The following BET1 variants were observed in gnomAD, a reference collection of about 807,000 sequenced individuals.
BET1 encodes Bet1 golgi vesicular membrane trafficking protein, also known as BET1 homolog.
In BET1, 9 loss-of-function variants were observed where a neutral mutation model predicts 13.9. The ratio of observed to expected loss-of-function variants is 0.65; its 90% CI spans 0.39 to 1.13. The LOEUF (loss-of-function observed/expected upper bound fraction) is 1.13. BET1 is among the 50% of genes most tolerant of loss of function. The pLI, the probability that BET1 is intolerant of heterozygous loss-of-function variation, is 0.01. For missense variants in BET1, 127 were observed against 133.6 expected, an observed-to-expected ratio of 0.95 and a Z score of 0.24; for synonymous variants, 39 against 47.3, an observed-to-expected ratio of 0.82 and a Z score of 0.72.
chr7:93,974,252 T>A (rs1451377552), intron 5 of BET1, among the ~76,000 whole-genome samples: 2 of 152,026 alleles, frequency 1.3e-5, no homozygotes, highest in Admixed American at 1.3e-4. Context: ...ATAACCAGTA[T>A]AATATATGTA....
intron 1 of BET1, chr7:94,000,249 T>C (rs911343891): frequency 3.3e-5 from 5 of 151,272 alleles, no homozygotes; most frequent in African/African-American, 1.2e-4. Context: ...GGACTACAGG[T>C]GCCCGCCATC....
At chr7:93,980,321 TAAC>T (rs964736239) in intron 4 of BET1, among the ~76,000 whole-genome samples, 5 of 152,162 alleles carry the variant, frequency 3.3e-5, no homozygotes, top group African/African-American at 4.8e-5. Flanking sequence ...CACTATTTTT[TAAC>T]AACAACAACA....
intron 4 of BET1, among the ~76,000 whole-genome samples, chr7:93,977,215 C>A (rs1394426781): frequency 6.6e-6 from 1 of 152,098 alleles, no homozygotes; most frequent in Non-Finnish European, 1.5e-5. Flanking sequence ...AATCTCAGCA[C>A]TTTGGGAAGT....
chr7:93,967,354 C>A (rs1296842630), intron 6 of BET1, among the ~76,000 whole-genome samples: 1 of 151,644 alleles, frequency 6.6e-6, no homozygotes, highest in Non-Finnish European at 1.5e-5. Context: ...AGTGGTAATC[C>A]TCATACTACA....
chr7:94,001,764 A>G (rs1048701499), intron 1 of BET1, among the ~76,000 whole-genome samples: 3 of 152,240 alleles, frequency 2.0e-5, no homozygotes, highest in Non-Finnish European at 4.4e-5. Context: ...TGTGTGGCTG[A>G]GGTTCTGAGT....
intron 5 of BET1, among the ~76,000 whole-genome samples, chr7:93,975,032 A>G (rs1164599400): frequency 6.6e-6 from 1 of 152,006 alleles, no homozygotes; most frequent in African/African-American, 2.4e-5. Flanking sequence ...GAGAAACATC[A>G]AATAGAACCA....
chr7:93,981,265 G>T (rs1795422945), intron 4 of BET1, among the ~76,000 whole-genome samples: 1 of 152,140 alleles, frequency 6.6e-6, no homozygotes, highest in Non-Finnish European at 1.5e-5. Flanking sequence ...CATGCCCTGG[G>T]AAATCCCTCA....
chr7:93,996,665 C>A (rs905226058), intron 2 of BET1, among the ~76,000 whole-genome samples: 1 of 150,470 alleles, frequency 6.6e-6, no homozygotes, highest in Non-Finnish European at 1.5e-5. Context: ...CAAATTCCTA[C>A]AAATATCTGT....
chr7:93,990,606 ATAG>A (rs1270433249), downstream of BET1, among the ~76,000 whole-genome samples: 3 of 152,182 alleles, frequency 2.0e-5, no homozygotes, highest in Non-Finnish European at 2.9e-5. Flanking sequence ...TTGAGAAAAC[ATAG>A]TAGGACAATT....
At chr7:94,002,998 T>A (rs10248049) in intron 1 of BET1, among the ~76,000 whole-genome samples, 6,917 of 152,220 alleles carry the variant, frequency 0.045, 516 homozygotes, top group African/African-American at 0.16. Flanking sequence ...TACTACAATT[T>A]ATCTTTGCAC....
At chr7:93,978,772 A>G (rs569379971) in intron 4 of BET1, among the ~76,000 whole-genome samples, 3 of 152,318 alleles carry the variant, frequency 2.0e-5, no homozygotes, top group South Asian at 2.1e-4. Context: ...GGCTTTGACA[A>G]ACTTTTACAG....
intron 6 of BET1, chr7:93,968,383 G>A (rs1427887481): frequency 6.6e-6 from 1 of 151,724 alleles, no homozygotes; most frequent in East Asian, 1.9e-4. Flanking sequence ...TCAAGGCAGG[G>A]AAGTAGGAAC....
intron 4 of BET1, among the ~76,000 whole-genome samples, chr7:93,980,575 A>G (rs1456602445): frequency 6.6e-6 from 1 of 152,206 alleles, no homozygotes; most frequent in Non-Finnish European, 1.5e-5. Context: ...ACACACTTCC[A>G]TAATAACTCT....
chr7:94,004,154 C>T (rs558689583), intron 1 of BET1, 44 bp downstream of exon 1: 1 of 1,613,846 alleles, frequency 6.2e-7, no homozygotes, highest in African/African-American at 1.3e-5. Flanking sequence ...CCCAGCGCTC[C>T]CGGTTCTAGG....
At chr7:93,980,090 GA>G (rs1352783388) in intron 4 of BET1, among the ~76,000 whole-genome samples, 1 of 152,194 alleles carries the variant, frequency 6.6e-6, no homozygotes, top group African/African-American at 2.4e-5. Flanking sequence ...TGAAGAAATG[GA>G]AAACCTGAAC....
intron 4 of BET1, among the ~76,000 whole-genome samples, chr7:93,988,094 G>A (rs1321412691): frequency 6.6e-6 from 1 of 152,128 alleles, no homozygotes; most frequent in Admixed American, 6.6e-5. Context: ...TTAGTGAGAG[G>A]TGATTAAAAA....
At chr7:94,000,880 T>C (rs557636725) in intron 1 of BET1, among the ~76,000 whole-genome samples, 2 of 152,266 alleles carry the variant, frequency 1.3e-5, no homozygotes, top group African/African-American at 4.8e-5. Context: ...CTTGCACCTA[T>C]AATCCCAGCT....
At chr7:93,983,643 A>G (rs970388584) in intron 4 of BET1, among the ~76,000 whole-genome samples, 1 of 152,136 alleles carries the variant, frequency 6.6e-6, no homozygotes, top group Non-Finnish European at 1.5e-5. Flanking sequence ...TTAGTGTCTT[A>G]TTAGTGGCTC....
intron 4 of BET1, among the ~76,000 whole-genome samples, chr7:93,977,949 C>T (rs553748330): frequency 6.6e-5 from 10 of 152,066 alleles, no homozygotes; most frequent in South Asian, 2.1e-4. Flanking sequence ...AATTCCCCTA[C>T]GTGTACAGGC....
Sources: gnomAD v4.1 joint callset for allele counts (sites outside exome capture counted in the v4.1 genomes callset) on GRCh38, gnomAD v4.1.1 for gene constraint, MANE v1.5 for transcripts, NCBI Gene and HGNC (gene_info 2026-07-23, HGNC 2026-07-21) for gene names.